The following GALNTL6 variants were observed in gnomAD, a reference collection of about 807,000 sequenced individuals.
GALNTL6 encodes the protein polypeptide N-acetylgalactosaminyltransferase like 6.
A neutral mutation model predicts 73.7 loss-of-function variants in GALNTL6; 46 were observed. The observed-to-expected ratio is 0.62, with a 90% CI of 0.49 to 0.80. The LOEUF (loss-of-function observed/expected upper bound fraction) is 0.80, where lower values mean the gene tolerates loss of function less well. GALNTL6 is among the 30% of genes least tolerant of loss of function. The pLI is 0.00. For missense variants in GALNTL6, 604 were observed against 755.0 expected (o/e 0.80, Z 2.34); for synonymous variants, 259 against 263.7 (o/e 0.98, Z 0.17).
chr4:172,578,210 T>C (rs1348040162), intron 5 of GALNTL6, among the ~76,000 whole-genome samples: 1 of 152,170 alleles, frequency 6.6e-6, no homozygotes, highest in African/African-American at 2.4e-5. Flanking sequence ...AAAAAATTTC[T>C]CACAAAAGCC....
intron 5 of GALNTL6, among the ~76,000 whole-genome samples, chr4:172,377,463 A>G (rs527438093): frequency 6.6e-6 from 1 of 152,342 alleles, no homozygotes; most frequent in Non-Finnish European, 1.5e-5. Context: ...TCAGGAGCCC[A>G]GCTGGCTTCG....
chr4:172,265,182 G>A (rs1381498555), intron 3 of GALNTL6, among the ~76,000 whole-genome samples: 1 of 152,000 alleles, frequency 6.6e-6, no homozygotes, highest in Non-Finnish European at 1.5e-5. Flanking sequence ...ATCTAAGCTG[G>A]ATTTCAAGGC....
intron 3 of GALNTL6, among the ~76,000 whole-genome samples, chr4:172,297,558 T>A (rs1739731685): frequency 6.6e-6 from 1 of 152,224 alleles, no homozygotes; most frequent in East Asian, 1.9e-4. Flanking sequence ...GGATCCAGTT[T>A]CAGCTTTCTA....
At chr4:172,067,471 C>T (rs566389145) in intron 2 of GALNTL6, among the ~76,000 whole-genome samples, 119 of 152,142 alleles carry the variant, frequency 7.8e-4, no homozygotes, top group Middle Eastern at 6.8e-3. Flanking sequence ...AGCAGACCAC[C>T]AGATGTGTAT....
intron 2 of GALNTL6, among the ~76,000 whole-genome samples, chr4:172,156,541 ATAT>A (rs1734276308): frequency 1.3e-4 from 1 of 7,410 alleles, no homozygotes; most frequent in African/African-American, 2.6e-4. Context: ...TATATATATA[ATAT>A]ATATATATAT....
chr4:172,266,602 A>C (rs529325373), intron 3 of GALNTL6, among the ~76,000 whole-genome samples: 42 of 152,282 alleles, frequency 2.8e-4, no homozygotes, highest in Middle Eastern at 3.4e-3. Flanking sequence ...TACATTAAGT[A>C]CTAGTTTACC....
At chr4:172,961,591 G>A (rs1750061051) in intron 10 of GALNTL6, among the ~76,000 whole-genome samples, 1 of 152,164 alleles carries the variant, frequency 6.6e-6, no homozygotes, top group Admixed American at 6.5e-5. Flanking sequence ...CAGAGTTTTG[G>A]GTTCACGGGT....
chr4:172,187,286 T>C (rs1579230389), intron 2 of GALNTL6, among the ~76,000 whole-genome samples: 1 of 152,136 alleles, frequency 6.6e-6, no homozygotes, highest in Admixed American at 6.6e-5. Context: ...TATTTGTTAG[T>C]AAAGATGCTT....
intron 10 of GALNTL6, among the ~76,000 whole-genome samples, chr4:172,961,003 TGGGGGGTTCTTGCCC>T (rs1561057500): frequency 1.2e-5 from 1 of 83,324 alleles, no homozygotes; most frequent in African/African-American, 4.9e-5. Context: ...GAGAAGGGGT[TGGGGGGTTCTTGCCC>T]ACCAGAAAAG....
At chr4:171,856,477 C>T (rs1271175927) in intron 2 of GALNTL6, among the ~76,000 whole-genome samples, 2 of 151,968 alleles carry the variant, frequency 1.3e-5, no homozygotes, top group African/African-American at 2.4e-5. Flanking sequence ...TATTTGGTGT[C>T]GTATCTAAAA....
chr4:172,900,179 G>A (rs940905177), intron 8 of GALNTL6, among the ~76,000 whole-genome samples: 1 of 152,124 alleles, frequency 6.6e-6, no homozygotes, highest in African/African-American at 2.4e-5. Context: ...AGTGCTTTGT[G>A]TGCATTATCT....
intron 7 of GALNTL6, among the ~76,000 whole-genome samples, chr4:172,858,732 A>G (rs145797116): frequency 2.0e-5 from 3 of 152,298 alleles, no homozygotes; most frequent in Non-Finnish European, 4.4e-5. Context: ...GCTCATACAC[A>G]TGGTACCTAC....
At chr4:172,900,220 ATTC>A (rs1939052770) in intron 8 of GALNTL6, among the ~76,000 whole-genome samples, 1 of 152,216 alleles carries the variant, frequency 6.6e-6, no homozygotes, top group African/African-American at 2.4e-5. Context: ...AAAGGTGGGT[ATTC>A]TCATTTCATT....
intron 2 of GALNTL6, among the ~76,000 whole-genome samples, chr4:172,094,136 T>G (rs1732284462): frequency 6.6e-6 from 1 of 152,132 alleles, no homozygotes; most frequent in African/African-American, 2.4e-5. Flanking sequence ...TAATTCTAAT[T>G]TTTAGACTTT....
chr4:171,943,852 T>C (rs1738624534), intron 2 of GALNTL6, among the ~76,000 whole-genome samples: 1 of 152,234 alleles, frequency 6.6e-6, no homozygotes, highest in South Asian at 2.1e-4. Flanking sequence ...GTAGGCTTTT[T>C]TTAAGGTAAG....
At chr4:172,318,743 A>G (rs1376933910) in intron 4 of GALNTL6, among the ~76,000 whole-genome samples, 2 of 150,590 alleles carry the variant, frequency 1.3e-5, no homozygotes, top group African/African-American at 4.9e-5. Flanking sequence ...AAAAACAACA[A>G]AAAAAGAAAG....
intron 2 of GALNTL6, among the ~76,000 whole-genome samples, chr4:172,083,513 C>T (rs1731942239): frequency 6.6e-6 from 1 of 152,178 alleles, no homozygotes; most frequent in African/African-American, 2.4e-5. Context: ...AGGGCCTTTG[C>T]ATTAACTGTA....
chr4:172,518,115 A>G lies in GALNTL6; in HGVS notation c.553+169426A>G, dbSNP rs56024296. ...TCTTTTTTTTTCAAATTATAAAGTT[A>G]GAGTCACCAAAGGGATCCTGGCTAT... On this transcript the variant is annotated intron_variant, in intron 5 of 12. Coordinates refer to ENST00000506823, the MANE Select transcript of GALNTL6 (RefSeq NM_001034845.3). Among the ~76,000 whole-genome samples, 1,318 of 152,014 alleles carry G rather than the reference A, an allele frequency of 8.7e-3. 22 individuals are homozygous for G. The highest frequency in any genetic ancestry group is 0.03 in the African/African-American group (1,264 of 41,508).
chr4:172,225,696 C>T (rs912455659), intron 2 of GALNTL6, among the ~76,000 whole-genome samples: 1 of 152,068 alleles, frequency 6.6e-6, no homozygotes, highest in Admixed American at 6.5e-5. Context: ...GCAGAGGTTG[C>T]AGTGAGCCAA....
Sources: gnomAD v4.1 joint callset for allele counts (sites outside exome capture counted in the v4.1 genomes callset) on GRCh38, gnomAD v4.1.1 for gene constraint, MANE v1.5 for transcripts, NCBI Gene and HGNC (gene_info 2026-07-23, HGNC 2026-07-21) for gene names.